Variants in KCNT2 observed in about 807,000 individuals in gnomAD.
KCNT2 encodes potassium sodium-activated channel subfamily T member 2.
A neutral mutation model predicts 153.8 loss-of-function variants in KCNT2; 67 were observed. That is an observed-to-expected ratio of 0.44 (90% CI 0.36 to 0.53). The LOEUF is 0.53. KCNT2 is among the 20% of genes least tolerant of loss of function. The probability of loss-of-function intolerance (pLI) is 0.00; values close to 1 mark genes in which losing one functional copy is unlikely to be tolerated. For missense variants in KCNT2, 975 were observed against 1,354.8 expected (o/e 0.72, Z 4.40); for synonymous variants, 500 against 458.8 (o/e 1.09, Z -1.15).
At chr1:196,593,861 A>T (rs1357269370) in intron 1 of KCNT2, among the ~76,000 whole-genome samples, 2 of 152,082 alleles carry the variant, frequency 1.3e-5, no homozygotes, top group African/African-American at 2.4e-5. Context: ...TGTATTTCAC[A>T]TACTTTTTAT....
At chr1:196,235,900 G>A in intron 27 of KCNT2, 86 bp downstream of exon 27, 1 of 756,442 alleles carries the variant, frequency 1.3e-6, no homozygotes, top group Non-Finnish European at 2.2e-6. Flanking sequence ...AAAAATAAGA[G>A]GCTATTATGG....
rs557183852 is a variant in KCNT2, at chr1:196,227,932, T to C, written c.*292A>G. 1 of 215,458 alleles carries C rather than the reference T, an allele frequency of 4.6e-6. No individual in the cohort carries two copies. The highest frequency in any genetic ancestry group is 1.2e-4 in the South Asian group (1 of 8,248). 13.3% of individuals were successfully genotyped at this position (215,458 alleles called of 1,614,324 possible). Reference sequence around the variant, plus strand: ...ATAAAACCTTAATAATTTTTAAAATTGCTTTCATAGAGTTTGGATTATTAT... The same window carrying C: ...ATAAAACCTTAATAATTTTTAAAATCGCTTTCATAGAGTTTGGATTATTAT... On this transcript the variant is annotated 3_prime_UTR_variant, in exon 28 of 28. Transcript: ENST00000294725.
At chr1:196,337,989 T>C (rs1017569659) in intron 16 of KCNT2, among the ~76,000 whole-genome samples, 28 of 152,098 alleles carry the variant, frequency 1.8e-4, no homozygotes, top group Admixed American at 1.6e-3. Flanking sequence ...TTGGTACATA[T>C]TAGGTACTCA....
At chr1:196,298,554 C>T (rs984364745) in intron 22 of KCNT2, among the ~76,000 whole-genome samples, 3 of 152,054 alleles carry the variant, frequency 2.0e-5, no homozygotes, top group Non-Finnish European at 2.9e-5. Context: ...CTCAGGACGT[C>T]AACATGTTCG....
At chr1:196,271,501 C>A (rs775931690) in intron 25 of KCNT2, among the ~76,000 whole-genome samples, 1 of 151,970 alleles carries the variant, frequency 6.6e-6, no homozygotes, top group African/African-American at 2.4e-5. Flanking sequence ...ATTAAATAGC[C>A]TCTTGTTAGT....
intron 22 of KCNT2, among the ~76,000 whole-genome samples, chr1:196,296,062 G>A (rs552198363): frequency 6.6e-6 from 1 of 151,990 alleles, no homozygotes; most frequent in Admixed American, 6.6e-5. Flanking sequence ...ATAATCACAT[G>A]AGCATATGAT....
At chr1:196,504,015 G>A (rs1435565688) in intron 1 of KCNT2, among the ~76,000 whole-genome samples, 4 of 152,154 alleles carry the variant, frequency 2.6e-5, no homozygotes, top group Admixed American at 2.0e-4. Context: ...GACACAATTT[G>A]AAGGAAGAAG....
At chr1:196,403,210 A>G (rs184694973) in intron 12 of KCNT2, among the ~76,000 whole-genome samples, 1 of 151,832 alleles carries the variant, frequency 6.6e-6, no homozygotes, top group African/African-American at 2.4e-5. Context: ...CCACATCCAT[A>G]CAATGGAATA....
intron 22 of KCNT2, among the ~76,000 whole-genome samples, chr1:196,291,010 T>C (rs1292198121): frequency 1.3e-5 from 2 of 152,144 alleles, no homozygotes; most frequent in African/African-American, 4.8e-5. Context: ...CCCAAACTGC[T>C]TTCCAGGATG....
At chr1:196,375,376 T>A (rs1357571834) in intron 13 of KCNT2, among the ~76,000 whole-genome samples, 2 of 151,848 alleles carry the variant, frequency 1.3e-5, no homozygotes, top group African/African-American at 4.8e-5. Context: ...AAACACAAAG[T>A]ATGTATGCAC....
chr1:196,568,596 A>AG (rs1279607107), intron 1 of KCNT2, among the ~76,000 whole-genome samples: 10 of 72,372 alleles, frequency 1.4e-4, no homozygotes, highest in Non-Finnish European at 3.2e-5. Context: ...ACTCCGTCTC[A>AG]AAAAAAAAAA....
chr1:196,258,391 G>C lies in KCNT2; in HGVS notation c.3014C>G (p.Ser1005Trp), dbSNP rs190445712. Residue 1005 changes from serine to tryptophan, a missense_variant, in exon 26 of 28, where the codon TCG (serine) becomes TGG (tryptophan). Physicochemically the swap from Ser to Trp is radical, Grantham distance 177 (BLOSUM62 -3). Around this residue, in one of 6 missense-constraint regions of KCNT2, gnomAD observed 241 missense variants for 271.1 expected, o/e 0.89. Coordinates refer to ENST00000294725, the MANE Select transcript of KCNT2 (RefSeq NM_198503.5). ...TTTTCTCCGCAGCAAGGGATGGTCC[G>C]ACTGATCACTGGATGTTGAGTTGCG... ...NHRNSTSSDQ[S>W]DHPLLRRKSM... 2 of 1,613,988 alleles carry C rather than the reference G, an allele frequency of 1.2e-6. No homozygotes were observed. The highest frequency in any genetic ancestry group is 1.3e-5 in the African/African-American group (1 of 75,004).
At chr1:196,243,608 G>T (rs550432200) in intron 26 of KCNT2, among the ~76,000 whole-genome samples, 2 of 152,260 alleles carry the variant, frequency 1.3e-5, no homozygotes, top group South Asian at 4.1e-4. Context: ...AGCAACACTG[G>T]GCAGAACTCA....
At chr1:196,485,811 A>C (rs1462404620) in intron 3 of KCNT2, among the ~76,000 whole-genome samples, 3 of 151,632 alleles carry the variant, frequency 2.0e-5, no homozygotes, top group African/African-American at 7.3e-5. Flanking sequence ...ATTTATCATA[A>C]AAAAAAAGAA....
chr1:196,360,522 T>A (rs1373992142), intron 14 of KCNT2, among the ~76,000 whole-genome samples: 1 of 152,040 alleles, frequency 6.6e-6, no homozygotes, highest in Non-Finnish European at 1.5e-5. Context: ...TGAAGCCCTA[T>A]CCCCCACCCA....
intron 27 of KCNT2, among the ~76,000 whole-genome samples, chr1:196,231,262 C>A (rs113865737): frequency 1.3e-5 from 2 of 151,756 alleles, no homozygotes; most frequent in African/African-American, 4.8e-5. Flanking sequence ...ATAATGCAAA[C>A]ATAAATTTTG....
At chr1:196,306,131 T>C (rs1229767256) in intron 21 of KCNT2, among the ~76,000 whole-genome samples, 2 of 152,106 alleles carry the variant, frequency 1.3e-5, no homozygotes, top group African/African-American at 4.8e-5. Flanking sequence ...GCATCCCTGG[T>C]AGCTTTCCTT....
At chr1:196,311,318 T>C (rs1396637045) in intron 21 of KCNT2, among the ~76,000 whole-genome samples, 1 of 151,772 alleles carries the variant, frequency 6.6e-6, no homozygotes, top group East Asian at 1.9e-4. Flanking sequence ...ACTTACTAGA[T>C]GCTCAATAAA....
chr1:196,476,368 AATTT>A (rs1678530573), intron 5 of KCNT2, among the ~76,000 whole-genome samples: 1 of 152,120 alleles, frequency 6.6e-6, no homozygotes, highest in Non-Finnish European at 1.5e-5. Flanking sequence ...CTGGGATATT[AATTT>A]ATTTGATTTT....
Sources: allele counts gnomAD v4.1 joint callset (sites outside exome capture counted in the v4.1 genomes callset), GRCh38; gene constraint gnomAD v4.1.1; regional missense constraint gnomAD v4.1.1; transcripts MANE v1.5; gene names NCBI Gene and HGNC (gene_info 2026-07-23, HGNC 2026-07-21).